The following EGLN1 variants were observed in gnomAD, a reference collection of about 807,000 sequenced individuals.
EGLN1 encodes egl-9 family hypoxia inducible factor 1.
A neutral mutation model predicts 38.3 loss-of-function variants in EGLN1; 17 were observed. That is an observed-to-expected ratio of 0.44 (90% CI 0.30 to 0.67). The LOEUF is 0.67. Ranked by LOEUF, EGLN1 falls within the 30% of genes least tolerant of loss-of-function variation. The pLI is 0.08. For synonymous variants in EGLN1, 283 were observed against 257.5 expected, an observed-to-expected ratio of 1.10 and a Z score of -0.95; for missense variants, 477 against 603.3, an observed-to-expected ratio of 0.79 and a Z score of 2.19.
intron 1 of EGLN1, among the ~76,000 whole-genome samples, chr1:231,410,805 TG>T (rs973940042): frequency 7.6e-6 from 1 of 131,240 alleles, no homozygotes; most frequent in African/African-American, 2.9e-5. Context: ...ATTTTAAAGG[TG>T]GGGTGGTTAA....
chr1:231,371,038 C>T (rs1346745894), intron 2 of EGLN1, among the ~76,000 whole-genome samples: 1 of 152,100 alleles, frequency 6.6e-6, no homozygotes, highest in Admixed American at 6.6e-5. Flanking sequence ...TACAGGCATG[C>T]GCCACCATGT....
chr1:231,399,780 A>AC (rs1688619781), intron 1 of EGLN1, among the ~76,000 whole-genome samples: 1 of 151,554 alleles, frequency 6.6e-6, no homozygotes, highest in South Asian at 2.1e-4. Flanking sequence ...AATCTAGGCA[A>AC]CCCCCCTTTG....
intron 1 of EGLN1, among the ~76,000 whole-genome samples, chr1:231,396,025 C>T (rs1202293068): frequency 3.3e-5 from 4 of 121,190 alleles, no homozygotes; most frequent in East Asian, 2.4e-4. Context: ...CAAATTACCC[C>T]ACTCCTTTAA....
intron 1 of EGLN1, among the ~76,000 whole-genome samples, chr1:231,391,133 T>TGTGTGA (rs1255328703): frequency 1.2e-3 from 67 of 56,828 alleles, no homozygotes; most frequent in African/African-American, 2.6e-3. Flanking sequence ...TGTGTGTGTG[T>TGTGTGA]GAGACAGGGA....
intron 1 of EGLN1, among the ~76,000 whole-genome samples, chr1:231,387,558 G>A (rs181401805): frequency 4.0e-5 from 6 of 151,568 alleles, no homozygotes; most frequent in African/African-American, 9.7e-5. Flanking sequence ...ACGGGGTTTC[G>A]CCGTGTTAGC....
At position 231,421,149 on chromosome 1, in the gene EGLN1, G is replaced by C; in HGVS notation, c.740C>G (p.Ser247Trp). The change falls in exon 1 of 5, where the codon TCG becomes TGG. Residue 247 changes from serine (S) to tryptophan (W), a missense_variant. Around this residue, in one of 4 missense-constraint regions of EGLN1, gnomAD observed 119 missense variants for 179.0 expected, o/e 0.66. Transcript: ENST00000366641. The surrounding 1 kb of genome is among the most constrained non-coding windows in gnomAD (Gnocchi z 5.5). ...CTTATCGCCTCGGATGTCCTTGGACGAGTCACTCTTCTGGCTGACCAGCTG... is the reference window on the plus strand; with the variant it reads ...CTTATCGCCTCGGATGTCCTTGGACCAGTCACTCTTCTGGCTGACCAGCTG... The part of the protein sequence containing the change: ...DGQLVSQKSD[S>W]SKDIRGDKIT... 2.5e-6 allele frequency: 4 copies of C among 1,614,168 alleles called. No individual in the cohort carries two copies. Among genetic ancestry groups the C allele is most frequent in the Non-Finnish European group, 3.4e-6 (4 of 1,180,032 alleles).
intron 1 of EGLN1, among the ~76,000 whole-genome samples, chr1:231,392,906 G>C (rs1558388056): frequency 6.6e-6 from 1 of 152,144 alleles, no homozygotes; most frequent in Non-Finnish European, 1.5e-5. Flanking sequence ...CTGACCTGTA[G>C]TCCTCAGTTC....
At chr1:231,396,455 T>C (rs1572037787) in intron 1 of EGLN1, among the ~76,000 whole-genome samples, 1 of 152,116 alleles carries the variant, frequency 6.6e-6, no homozygotes, top group Admixed American at 6.5e-5. Flanking sequence ...GGTTTCACCA[T>C]GTTGGCCAGG....
Position 231,421,664 on chromosome 1 carries a change from G to A in EGLN1, c.225C>T (p.Ser75=), listed in dbSNP as rs1261683983. 4.8e-6 allele frequency: 7 copies of A among 1,466,328 alleles called. No individual in the cohort carries two copies. The highest frequency in any genetic ancestry group is 6.3e-6 in the Non-Finnish European group (7 of 1,113,362). 90.8% of individuals were successfully genotyped at this position (1,466,328 alleles called of 1,614,324 possible). A position where few individuals can be genotyped will look rare whatever the true frequency, so the allele number is the denominator to read the frequency against. Residue 75 remains serine (S), a synonymous_variant, in exon 1 of 5, where the codon TCC becomes TCT. Transcript: ENST00000366641. The surrounding 1 kb of genome is among the most constrained non-coding windows in gnomAD (Gnocchi z 5.5). ...LGHGVGPHQH[S]GPAPPAAVPP... is the part of the protein sequence containing the mutation. ...GCACTGCAGCCGGCGGCGCGGGGCC[G>A]GAATGCTGGTGTGGGCCCACTCCGT...
intron 1 of EGLN1, among the ~76,000 whole-genome samples, chr1:231,416,435 AAT>A (rs1491122513): frequency 6.8e-6 from 1 of 146,328 alleles, no homozygotes; most frequent in East Asian, 2.0e-4. Context: ...ACAAAAAAAA[AAT>A]TTTTTTTTTT....
chr1:231,393,007 C>T (rs890087257), intron 1 of EGLN1, among the ~76,000 whole-genome samples: 1 of 152,184 alleles, frequency 6.6e-6, no homozygotes, highest in African/African-American at 2.4e-5. Flanking sequence ...GGCAAAGGGC[C>T]TAAGCCAATC....
intron 1 of EGLN1, among the ~76,000 whole-genome samples, chr1:231,410,231 T>C (rs542367349): frequency 6.6e-6 from 1 of 152,112 alleles, no homozygotes; most frequent in East Asian, 2.0e-4. Flanking sequence ...GACTGGGACT[T>C]CAGTCTTGCC....
At chr1:231,374,919 G>C (rs1687920554) in intron 1 of EGLN1, among the ~76,000 whole-genome samples, 1 of 152,012 alleles carries the variant, frequency 6.6e-6, no homozygotes, top group Non-Finnish European at 1.5e-5. Flanking sequence ...GTAGAAAAGA[G>C]GCCCAAAATA....
At chr1:231,371,359 AATT>A (rs1352983902) in intron 2 of EGLN1, among the ~76,000 whole-genome samples, 3 of 152,224 alleles carry the variant, frequency 2.0e-5, no homozygotes, top group East Asian at 1.9e-4. Flanking sequence ...ATTTTGACAA[AATT>A]ATTATTAGAA....
At chr1:231,406,599 A>G (rs1423408981) in intron 1 of EGLN1, among the ~76,000 whole-genome samples, 1 of 152,152 alleles carries the variant, frequency 6.6e-6, no homozygotes, top group East Asian at 1.9e-4. Flanking sequence ...GGGAGGGAGC[A>G]AGAACTGAAC....
chr1:231,396,276 G>A (rs1473904637), intron 1 of EGLN1, among the ~76,000 whole-genome samples: 1 of 31,800 alleles, frequency 3.1e-5, no homozygotes, highest in South Asian at 1.3e-3. Context: ...TTTTGAGATT[G>A]GGGAGTCTCG....
Position 231,421,855 on chromosome 1 carries a change from T to A in EGLN1, c.34A>T (p.Ser12Cys). 6.7e-7 allele frequency: 1 copy of A among 1,488,654 alleles called. No homozygotes were observed. The highest frequency in any genetic ancestry group is 1.3e-5 in the South Asian group (1 of 79,624). 92.2% of individuals were successfully genotyped at this position (1,488,654 alleles called of 1,614,324 possible). A position where few individuals can be genotyped will look rare whatever the true frequency, so the allele number is the denominator to read the frequency against. Residue 12 changes from serine (S) to cysteine (C), a missense_variant, in exon 1 of 5, where the codon AGC (serine) becomes TGC (cysteine). Physicochemically the swap from Ser to Cys is moderately radical, Grantham distance 112. Around this residue, in one of 4 missense-constraint regions of EGLN1, gnomAD observed 298 missense variants for 288.9 expected, o/e 1.03. Coordinates refer to ENST00000366641, the MANE Select transcript of EGLN1 (RefSeq NM_022051.3). The surrounding 1 kb of genome is among the most constrained non-coding windows in gnomAD (Gnocchi z 5.5). Reference sequence around the variant, plus strand: ...TACTGCCGGTCTCGCTCGCTCGGGCTCGGCCCGCCGGGCCCGCCGCTGTCA... The same window carrying A: ...TACTGCCGGTCTCGCTCGCTCGGGCACGGCCCGCCGGGCCCGCCGCTGTCA... ...ANDSGGPGGP[S>C]PSERDRQYCE...
chr1:231,404,137 A>G (rs1168754816), intron 1 of EGLN1, among the ~76,000 whole-genome samples: 1 of 152,174 alleles, frequency 6.6e-6, no homozygotes, highest in Non-Finnish European at 1.5e-5. Flanking sequence ...AATGTTAAGA[A>G]TAATTAATTT....
chr1:231,421,258 C>T lies in EGLN1; in HGVS notation c.631G>A (p.Asp211Asn). ...CCGGTCTCCTTGCCGAGGAAGTCGT[C>T]CACCACACAGATGCCGTGCTTGTTC... ...CMNKHGICVV[D>N]DFLGKETGQQ... The change falls in exon 1 of 5, where the codon GAC becomes AAC. Residue 211 changes from aspartate (D) to asparagine (N), a missense_variant. Asp to Asn is a conservative substitution (Grantham distance 23). Around this residue, in one of 4 missense-constraint regions of EGLN1, gnomAD observed 119 missense variants for 179.0 expected, o/e 0.66. Coordinates refer to ENST00000366641, the MANE Select transcript of EGLN1 (RefSeq NM_022051.3). The surrounding 1 kb of genome is among the most constrained non-coding windows in gnomAD (Gnocchi z 5.5). 1 of 1,613,828 alleles carries T rather than the reference C, an allele frequency of 6.2e-7. No individual in the cohort carries two copies. Among genetic ancestry groups the T allele is most frequent in the Non-Finnish European group, 8.5e-7 (1 of 1,180,016 alleles).
Sources: allele counts gnomAD v4.1 joint callset (sites outside exome capture counted in the v4.1 genomes callset), GRCh38; gene constraint gnomAD v4.1.1; regional missense constraint gnomAD v4.1.1; non-coding constraint Gnocchi (gnomAD v3.1); transcripts MANE v1.5; gene names NCBI Gene and HGNC (gene_info 2026-07-23, HGNC 2026-07-21).